The following BNC2 variants were observed in gnomAD, a reference collection of about 807,000 sequenced individuals.
BNC2 encodes zinc finger protein basonuclin-2.
In BNC2, 20 loss-of-function variants were observed where a neutral mutation model predicts 76.3. That is an observed-to-expected ratio of 0.26 (90% CI 0.18 to 0.38). The LOEUF (loss-of-function observed/expected upper bound fraction) is 0.38, where lower values mean the gene tolerates loss of function less well. BNC2 is among the 10% of genes least tolerant of loss of function. The pLI, the probability that BNC2 is intolerant of heterozygous loss-of-function variation, is 1.00. For missense variants in BNC2, 1,382 were observed against 1,399.8 expected (o/e 0.99, Z 0.20); for synonymous variants, 582 against 514.8 (o/e 1.13, Z -1.77).
In BNC2 at chr9:16,738,410, G is replaced by A. The variant is rs1824742527; in HGVS notation, c.79C>T (p.Pro27Ser). The A allele has an allele frequency of 6.2e-7, 1 of 1,613,914 alleles. No individual in the cohort carries two copies. Among genetic ancestry groups the A allele is most frequent in the African/African-American group, 1.3e-5 (1 of 74,904 alleles). ...CAACATGGGACCTTGAAATATGCTGGCCAGTCTTGCTCACTAAGCCTGTCC... is the reference window on the plus strand; with the variant it reads ...CAACATGGGACCTTGAAATATGCTGACCAGTCTTGCTCACTAAGCCTGTCC... ...SEDRLSEQDW[P>S]AYFKVPCCGV... is the part of the protein sequence containing the mutation. The change falls in exon 2 of 7, where the codon CCA becomes TCA. Residue 27 changes from proline (P) to serine (S), a missense_variant. Coordinates refer to ENST00000380672, the MANE Select transcript of BNC2 (RefSeq NM_017637.6).
chr9:16,870,394 C>T (rs977590434), intron 1 of BNC2, among the ~76,000 whole-genome samples: 4 of 152,076 alleles, frequency 2.6e-5, no homozygotes, highest in Non-Finnish European at 5.9e-5. Context: ...CCCCCTCTCA[C>T]GTGCACCCTC....
intron 3 of BNC2, among the ~76,000 whole-genome samples, chr9:16,617,527 GAAAA>G (rs56667008): frequency 7.2e-6 from 1 of 138,032 alleles, no homozygotes; most frequent in African/African-American, 2.7e-5. Context: ...ACAGATGGAG[GAAAA>G]AAAAAAAAAA....
chr9:16,580,669 T>C (rs969683768), intron 4 of BNC2, among the ~76,000 whole-genome samples: 1 of 152,178 alleles, frequency 6.6e-6, no homozygotes, highest in Non-Finnish European at 1.5e-5. Flanking sequence ...AGTTAACTTT[T>C]ATACTCCAAG....
intron 5 of BNC2, among the ~76,000 whole-genome samples, chr9:16,490,812 A>G (rs543440958): frequency 6.6e-6 from 1 of 152,354 alleles, no homozygotes; most frequent in East Asian, 1.9e-4. Context: ...GGAGATAAAC[A>G]CAACTACATA....
At chr9:16,667,624 T>C (rs1008549116) in intron 3 of BNC2, among the ~76,000 whole-genome samples, 2 of 152,234 alleles carry the variant, frequency 1.3e-5, no homozygotes, top group African/African-American at 4.8e-5. Context: ...GACAGCATTT[T>C]CTTTCTAGCA....
intron 3 of BNC2, among the ~76,000 whole-genome samples, chr9:16,708,170 T>A (rs1485727945): frequency 6.6e-6 from 1 of 152,216 alleles, no homozygotes; most frequent in African/African-American, 2.4e-5. Context: ...AATGTTAATT[T>A]ATTTTGGTGG....
intron 1 of BNC2, among the ~76,000 whole-genome samples, chr9:16,786,174 G>A (rs1334323882): frequency 6.6e-6 from 1 of 152,318 alleles, no homozygotes; most frequent in South Asian, 2.1e-4. Context: ...CAAAGAAAGT[G>A]TGCGCTAGTT....
chr9:16,540,688 T>C (rs948468856), intron 5 of BNC2, among the ~76,000 whole-genome samples: 1 of 152,170 alleles, frequency 6.6e-6, no homozygotes, highest in Non-Finnish European at 1.5e-5. Context: ...TAAAGGAGGC[T>C]TCAGTAAGTC....
intron 5 of BNC2, among the ~76,000 whole-genome samples, chr9:16,522,883 T>A (rs1348284558): frequency 6.6e-6 from 1 of 152,114 alleles, no homozygotes; most frequent in Non-Finnish European, 1.5e-5. Flanking sequence ...AACCCCCAGC[T>A]GTCCAGAAAA....
intron 1 of BNC2, among the ~76,000 whole-genome samples, chr9:16,860,941 G>A (rs181854746): frequency 3.7e-3 from 565 of 151,950 alleles, no homozygotes; most frequent in African/African-American, 0.013. Flanking sequence ...AGCTACTCGG[G>A]ACGCTGAGGC....
chr9:16,572,579 A>G (rs1819355693), intron 4 of BNC2, among the ~76,000 whole-genome samples: 1 of 152,140 alleles, frequency 6.6e-6, no homozygotes. Context: ...GATCAGTATT[A>G]CCCAGAAACC....
chr9:16,670,703 T>C (rs1326031242), intron 3 of BNC2, among the ~76,000 whole-genome samples: 2 of 152,108 alleles, frequency 1.3e-5, no homozygotes, highest in African/African-American at 2.4e-5. Flanking sequence ...ATGCAAACAA[T>C]CCCTTCAAGT....
chr9:16,430,534 G>C (rs1232625445), intron 6 of BNC2, among the ~76,000 whole-genome samples: 3 of 152,164 alleles, frequency 2.0e-5, no homozygotes, highest in Non-Finnish European at 4.4e-5. Context: ...TGGAAAAAAT[G>C]GTTGTTGCTA....
In BNC2 at chr9:16,868,977, A is replaced by G. The variant is rs558075894; in HGVS notation, c.3+1669T>C. Among the ~76,000 whole-genome samples, 10 of 152,362 alleles carry G rather than the reference A, an allele frequency of 6.6e-5. No individual in the cohort carries two copies. In the South Asian group the frequency reaches 2.1e-3, roughly 32 times the overall value. Reference sequence around the variant, plus strand: ...AAATTGCAGAATACAAAGCAGTGGAAGGCAGACAGGCTTAGCCACAGTTCA... The same window carrying G: ...AAATTGCAGAATACAAAGCAGTGGAGGGCAGACAGGCTTAGCCACAGTTCA... On this transcript the variant is annotated intron_variant, in intron 1 of 6. Coordinates refer to ENST00000380672, the MANE Select transcript of BNC2 (RefSeq NM_017637.6).
intron 1 of BNC2, among the ~76,000 whole-genome samples, chr9:16,844,055 T>C (rs1467927477): frequency 1.3e-5 from 2 of 151,632 alleles, no homozygotes; most frequent in Admixed American, 1.3e-4. Flanking sequence ...AGGCTAGGAG[T>C]TCAAGACCAG....
intron 1 of BNC2, among the ~76,000 whole-genome samples, chr9:16,751,290 T>C (rs951338362): frequency 6.6e-6 from 1 of 150,542 alleles, no homozygotes; most frequent in Non-Finnish European, 1.5e-5. Flanking sequence ...CCCTAGTATA[T>C]TGTGAGCACT....
chr9:16,650,603 A>T (rs931260562), intron 3 of BNC2, among the ~76,000 whole-genome samples: 1 of 152,092 alleles, frequency 6.6e-6, no homozygotes, highest in African/African-American at 2.4e-5. Flanking sequence ...TGTGTTTATA[A>T]ATAATGGCAT....
At chr9:16,867,934 G>A (rs1159293872) in intron 1 of BNC2, 2 of 152,012 alleles carry the variant, frequency 1.3e-5, no homozygotes, top group Non-Finnish European at 2.9e-5. Context: ...GCTCTCTGGG[G>A]ATGTCACACA....
chr9:16,517,242 G>A (rs1762382829), intron 5 of BNC2, among the ~76,000 whole-genome samples: 1 of 152,196 alleles, frequency 6.6e-6, no homozygotes, highest in Admixed American at 6.5e-5. Flanking sequence ...GCTCACAGCT[G>A]AGAAACCTCA....
Sources: gnomAD v4.1 joint callset for allele counts (sites outside exome capture counted in the v4.1 genomes callset) on GRCh38, gnomAD v4.1.1 for gene constraint, MANE v1.5 for transcripts, NCBI Gene and HGNC (gene_info 2026-07-23, HGNC 2026-07-21) for gene names.